CDH18: variants seen among roughly 807,000 people sequenced by gnomAD.
The protein encoded by CDH18 is cadherin-18.
Under a neutral mutation model 67.9 loss-of-function variants are expected in CDH18, and 31 were observed. That is an observed-to-expected ratio of 0.46 (90% CI 0.34 to 0.62). The LOEUF (loss-of-function observed/expected upper bound fraction) is 0.62. Ranked by LOEUF, CDH18 falls within the 20% of genes least tolerant of loss-of-function variation. The pLI is 0.01. For synonymous variants in CDH18, 362 were observed against 347.2 expected (o/e 1.04, Z -0.48); for missense variants, 890 against 975.5 (o/e 0.91, Z 1.17).
intron 6 of CDH18, among the ~76,000 whole-genome samples, chr5:19,605,326 T>C (rs1019354245): frequency 2.0e-5 from 3 of 151,842 alleles, no homozygotes; most frequent in Non-Finnish European, 4.4e-5. Flanking sequence ...TTATAATAAA[T>C]ACATAATAAT....
upstream of CDH18, among the ~76,000 whole-genome samples, chr5:19,990,054 G>A (rs1156788298): frequency 6.6e-6 from 1 of 152,168 alleles, no homozygotes; most frequent in East Asian, 1.9e-4. Context: ...TCCTTGTGTA[G>A]TGTCCAGACA....
At chr5:20,126,306 T>A (rs1350968536) in intron 2 of CDH18, among the ~76,000 whole-genome samples, 1 of 152,148 alleles carries the variant, frequency 6.6e-6, no homozygotes, top group Non-Finnish European at 1.5e-5. Flanking sequence ...TATACAAAAA[T>A]TAGCTCAAAA....
chr5:19,477,771 T>C (rs1166463460), intron 12 of CDH18, among the ~76,000 whole-genome samples: 3 of 152,084 alleles, frequency 2.0e-5, no homozygotes, highest in Admixed American at 6.5e-5. Flanking sequence ...GTGAGTCATC[T>C]GGTAAAATAC....
chr5:20,452,318 A>G (rs776705690), intron 1 of CDH18, among the ~76,000 whole-genome samples: 1 of 152,160 alleles, frequency 6.6e-6, no homozygotes, highest in South Asian at 2.1e-4. Flanking sequence ...CCATAAAGAA[A>G]AGGATGCACT....
chr5:19,833,886 G>A (rs1781322432), intron 3 of CDH18, among the ~76,000 whole-genome samples: 1 of 146,186 alleles, frequency 6.8e-6, no homozygotes, highest in Admixed American at 6.9e-5. Flanking sequence ...TGATTTGGGT[G>A]AGTAAGTTTT....
intron 2 of CDH18, among the ~76,000 whole-genome samples, chr5:19,851,234 G>A (rs988386796): frequency 1.3e-4 from 19 of 151,500 alleles, no homozygotes; most frequent in Non-Finnish European, 2.2e-4. Flanking sequence ...TAACTTTGTC[G>A]GGAATATTTA....
intron 1 of CDH18, among the ~76,000 whole-genome samples, chr5:20,366,829 T>C (rs901333385): frequency 1.3e-5 from 2 of 152,146 alleles, no homozygotes; most frequent in Admixed American, 1.3e-4. Context: ...GGACATGTAG[T>C]TTAGCAAGCT....
At chr5:20,499,428 G>A (rs114470353) in intron 1 of CDH18, among the ~76,000 whole-genome samples, 1,952 of 151,774 alleles carry the variant, frequency 0.013, 27 homozygotes, top group Non-Finnish European at 0.022. Flanking sequence ...TCACTTCAAG[G>A]TTGATTGAAT....
At chr5:19,902,471 T>C (rs1201009993) in intron 2 of CDH18, among the ~76,000 whole-genome samples, 1 of 152,112 alleles carries the variant, frequency 6.6e-6, no homozygotes, top group Non-Finnish European at 1.5e-5. Context: ...TGAGGGGCTG[T>C]GGAGCTCAGT....
intron 1 of CDH18, among the ~76,000 whole-genome samples, chr5:20,374,071 C>T (rs1743219936): frequency 6.6e-6 from 1 of 152,110 alleles, no homozygotes; most frequent in Non-Finnish European, 1.5e-5. Context: ...TCATTGAATG[C>T]TCTCCCTGGG....
At chr5:20,201,184 CT>C (rs1739415462) in intron 2 of CDH18, among the ~76,000 whole-genome samples, 1 of 151,792 alleles carries the variant, frequency 6.6e-6, no homozygotes, top group Non-Finnish European at 1.5e-5. Flanking sequence ...TCTTTGGCTA[CT>C]AGATGCATTA....
intron 1 of CDH18, among the ~76,000 whole-genome samples, chr5:20,395,413 G>C (rs1164804640): frequency 6.6e-6 from 1 of 152,166 alleles, no homozygotes; most frequent in Non-Finnish European, 1.5e-5. Flanking sequence ...GGCCTGCAGA[G>C]TGGTGTAATG....
At chr5:20,539,390 T>G (rs533782368) in intron 1 of CDH18, among the ~76,000 whole-genome samples, 1 of 152,294 alleles carries the variant, frequency 6.6e-6, no homozygotes, top group South Asian at 2.1e-4. Flanking sequence ...GTTATACTTA[T>G]GCAGAATTCA....
chr5:19,494,482 C>G (rs972672397), intron 11 of CDH18, among the ~76,000 whole-genome samples: 22 of 152,170 alleles, frequency 1.4e-4, no homozygotes, highest in Non-Finnish European at 1.5e-5. Context: ...CCGAAACATT[C>G]TATTTGTTTC....
At position 19,479,395 on chromosome 5, in the gene CDH18, A is replaced by C. The variant is rs547602995; in HGVS notation, c.1882+3906T>G. Among the ~76,000 whole-genome samples, 5 of 152,290 alleles carry C rather than the reference A, an allele frequency of 3.3e-5. No homozygotes were observed. The East Asian group carries it at 5.8e-4, about 18-fold the overall frequency. On this transcript the variant is annotated intron_variant, in intron 12 of 12. Transcript: ENST00000382275. ...TGTCGATATTTATGCCGAAAATCAT[A>C]ATCTCATAAATTAACTTCAACATTA... is the stretch of plus-strand genomic sequence containing the variant.
At chr5:20,384,537 A>C (rs1744163620) in intron 1 of CDH18, among the ~76,000 whole-genome samples, 1 of 152,170 alleles carries the variant, frequency 6.6e-6, no homozygotes, top group African/African-American at 2.4e-5. Context: ...AATAATGCTA[A>C]AATGGACATG....
At position 20,342,136 on chromosome 5, in the gene CDH18, G is replaced by C. The variant is rs73056781; in HGVS notation, c.-579-86631C>G. Among the ~76,000 whole-genome samples, 984 of 152,226 alleles carry C rather than the reference G, an allele frequency of 6.5e-3. 10 individuals are homozygous for C. The highest frequency in any genetic ancestry group is 0.022 in the African/African-American group (930 of 41,530). On this transcript the variant is annotated intron_variant, in intron 1 of 14. Coordinates refer to the CDH18 transcript ENST00000507958. The stretch of plus-strand genomic sequence containing the variant: ...ATTTTATCATATGAGTGGCTGACCT[G>C]CAATGAAAGATCCATGCACAGCCTC...
At chr5:20,201,972 G>C (rs1739485350) in intron 2 of CDH18, among the ~76,000 whole-genome samples, 1 of 152,164 alleles carries the variant, frequency 6.6e-6, no homozygotes, top group Admixed American at 6.5e-5. Context: ...CAGAAACAGG[G>C]AGAAGTCATT....
chr5:20,197,052 C>T (rs1055601138), intron 2 of CDH18, among the ~76,000 whole-genome samples: 18 of 152,060 alleles, frequency 1.2e-4, no homozygotes, highest in African/African-American at 4.1e-4. Context: ...CGCTCTGTTG[C>T]CCAGGCTGGA....
Sources: gnomAD v4.1 joint callset for allele counts (sites outside exome capture counted in the v4.1 genomes callset) on GRCh38, gnomAD v4.1.1 for gene constraint, MANE v1.5 for transcripts, NCBI Gene and HGNC (gene_info 2026-07-23, HGNC 2026-07-21) for gene names.